Variants in PPP2R5C observed in about 807,000 individuals in gnomAD.
PPP2R5C encodes protein phosphatase 2 regulatory subunit B'gamma.
A neutral mutation model predicts 68.9 loss-of-function variants in PPP2R5C; 7 were observed. The observed-to-expected ratio is 0.10, with a 90% CI of 0.06 to 0.19. The LOEUF is 0.19. PPP2R5C is among the 10% of genes least tolerant of loss of function. The pLI, the probability that PPP2R5C is intolerant of heterozygous loss-of-function variation, is 1.00. For synonymous variants in PPP2R5C, 210 were observed against 222.2 expected (o/e 0.95, Z 0.49); for missense variants, 348 against 641.3 (o/e 0.54, Z 4.94).
chr14:101,786,632 T>C (rs2038100126), intron 3 of PPP2R5C, among the ~76,000 whole-genome samples: 1 of 152,210 alleles, frequency 6.6e-6, no homozygotes, highest in Admixed American at 6.5e-5. Flanking sequence ...ACTTGCTTTG[T>C]TATGAGTCAT....
intron 2 of PPP2R5C, among the ~76,000 whole-genome samples, chr14:101,871,308 C>A (rs539166337): frequency 6.6e-6 from 1 of 152,036 alleles, no homozygotes. Flanking sequence ...GTGGCACAAT[C>A]TCTGCTCACT....
chr14:101,894,527 G>A (rs1326874511), exon 8 of PPP2R5C: 1 of 1,614,052 alleles, frequency 6.2e-7, no homozygotes, highest in Admixed American at 1.7e-5. Flanking sequence ...GTGTAGTGCA[G>A]TTTTTAGAAA....
chr14:101,853,126 T>C (rs931604443), intron 1 of PPP2R5C, among the ~76,000 whole-genome samples: 21 of 152,146 alleles, frequency 1.4e-4, no homozygotes, highest in Non-Finnish European at 2.1e-4. Context: ...TTTTAAAATA[T>C]GTTGATGAAG....
intron 2 of PPP2R5C, among the ~76,000 whole-genome samples, chr14:101,861,946 C>T (rs2042764660): frequency 6.6e-6 from 1 of 152,192 alleles, no homozygotes; most frequent in African/African-American, 2.4e-5. Context: ...TGCCGTCTTG[C>T]TCTGTTGCCC....
chr14:101,910,636 T>C (rs1055948285), intron 11 of PPP2R5C, among the ~76,000 whole-genome samples: 1 of 150,296 alleles, frequency 6.7e-6, no homozygotes, highest in Non-Finnish European at 1.5e-5. Flanking sequence ...ATTGAGACCA[T>C]GCTGGCTAAC....
chr14:101,810,106 G>C, intron 1 of PPP2R5C: 1 of 1,400,978 alleles, frequency 7.1e-7, no homozygotes, highest in Non-Finnish European at 1.0e-6. Context: ...TTGTGCTTCA[G>C]ATAAGAAAAG....
intron 3 of PPP2R5C, 139 bp downstream of exon 3, chr14:101,786,322 T>C: frequency 1.4e-6 from 1 of 723,344 alleles, no homozygotes. Flanking sequence ...GGTTTTTTTT[T>C]TTTTAGGTTG....
exon 14 of PPP2R5C, chr14:101,925,773 C>T (rs533768016): frequency 2.0e-5 from 3 of 153,164 alleles, no homozygotes; most frequent in East Asian, 1.9e-4. Flanking sequence ...AGTGAAATGG[C>T]TCTTTGCTTT....
Position 101,846,688 on chromosome 14 carries a change from C to G in PPP2R5C, c.95-9998C>G, listed in dbSNP as rs185610207. On this transcript the variant is annotated intron_variant, in intron 1 of 13. Coordinates refer to ENST00000334743, the Ensembl canonical transcript of PPP2R5C. ...GTTACCAAAAATGAGGGCTGGCAGG[C>G]CTGTACCGGGGAAGGCAGAGCTTGT... 4.5e-3 allele frequency among the ~76,000 whole-genome samples: 686 copies of G among 152,268 alleles called. 6 individuals are homozygous for G. The highest frequency in any genetic ancestry group is 0.016 in the African/African-American group (664 of 41,530).
intron 8 of PPP2R5C, among the ~76,000 whole-genome samples, chr14:101,900,942 C>T (rs2045649721): frequency 6.6e-6 from 1 of 152,254 alleles, no homozygotes; most frequent in Non-Finnish European, 1.5e-5. Context: ...CACAGGTGTG[C>T]GCACAGAGAG....
At chr14:101,903,019 T>G (rs961271652) in intron 9 of PPP2R5C, among the ~76,000 whole-genome samples, 19 of 151,516 alleles carry the variant, frequency 1.3e-4, no homozygotes, top group Middle Eastern at 3.4e-3. Flanking sequence ...TTTTGGGTTT[T>G]TTTTTTTTTT....
chr14:101,810,047 G>A, intron 1 of PPP2R5C: 1 of 1,611,274 alleles, frequency 6.2e-7, no homozygotes, highest in African/African-American at 1.3e-5. Flanking sequence ...GTAAGTTATT[G>A]TGTGTTTCAC....
chr14:101,908,618 C>T (rs2046200845), intron 10 of PPP2R5C, among the ~76,000 whole-genome samples: 1 of 152,228 alleles, frequency 6.6e-6, no homozygotes, highest in South Asian at 2.1e-4. Flanking sequence ...AAGTGACCCA[C>T]CCGCCTCAGC....
At chr14:101,895,071 T>C (rs1375897889) in intron 8 of PPP2R5C, among the ~76,000 whole-genome samples, 1 of 152,212 alleles carries the variant, frequency 6.6e-6, no homozygotes, top group Non-Finnish European at 1.5e-5. Context: ...ATCTGTAATT[T>C]TTTTTCAGCC....
chr14:101,773,272 C>T (rs2037248089), intron 2 of PPP2R5C, among the ~76,000 whole-genome samples: 1 of 152,030 alleles, frequency 6.6e-6, no homozygotes, highest in East Asian at 1.9e-4. Context: ...GAGCAATGGC[C>T]CTGGGGATCT....
At chr14:101,828,466 A>G (rs2040535637) in intron 1 of PPP2R5C, among the ~76,000 whole-genome samples, 1 of 152,246 alleles carries the variant, frequency 6.6e-6, no homozygotes, top group South Asian at 2.1e-4. Flanking sequence ...CTGAAGGTGT[A>G]GGGGGAGTGT....
At chr14:101,833,835 T>C (rs745511218) in intron 1 of PPP2R5C, among the ~76,000 whole-genome samples, 41 of 152,222 alleles carry the variant, frequency 2.7e-4, no homozygotes, top group Non-Finnish European at 5.0e-4. Flanking sequence ...GGAGTCTCGC[T>C]CTGTCACCCA....
At chr14:101,859,015 C>T (rs529796803) in intron 2 of PPP2R5C, among the ~76,000 whole-genome samples, 1 of 152,334 alleles carries the variant, frequency 6.6e-6, no homozygotes, top group East Asian at 1.9e-4. Context: ...ACTTGATTCT[C>T]CTCCTGCTGT....
intron 13 of PPP2R5C, among the ~76,000 whole-genome samples, chr14:101,918,808 C>T (rs2046851811): frequency 6.7e-6 from 1 of 148,978 alleles, no homozygotes; most frequent in East Asian, 2.0e-4. Context: ...TTTCAGCTGC[C>T]GTGTTTCCCT....
Sources: allele counts gnomAD v4.1 joint callset (sites outside exome capture counted in the v4.1 genomes callset), GRCh38; gene constraint gnomAD v4.1.1; transcripts MANE v1.5; gene names NCBI Gene and HGNC (gene_info 2026-07-23, HGNC 2026-07-21).